MAML3: variants seen among roughly 807,000 people sequenced by gnomAD.
The protein encoded by MAML3 is mastermind like transcriptional coactivator 3.
A neutral mutation model predicts 101.9 loss-of-function variants in MAML3; 27 were observed. The ratio of observed to expected loss-of-function variants is 0.27; its 90% CI spans 0.20 to 0.37. The LOEUF (loss-of-function observed/expected upper bound fraction) is 0.37. Ranked by LOEUF, MAML3 falls within the 10% of genes least tolerant of loss-of-function variation. MAML3 has a pLI of 1.00. For synonymous variants in MAML3, 501 were observed against 555.9 expected (o/e 0.90, Z 1.39); for missense variants, 1,316 against 1,444.9 (o/e 0.91, Z 1.45).
At chr4:139,871,627 C>T (rs1732008655) in intron 2 of MAML3, among the ~76,000 whole-genome samples, 1 of 152,220 alleles carries the variant, frequency 6.6e-6, no homozygotes, top group Non-Finnish European at 1.5e-5. Flanking sequence ...CTTCTTGTAT[C>T]ACAAGCTGAA....
intron 1 of MAML3, among the ~76,000 whole-genome samples, chr4:140,035,531 C>T (rs1179738312): frequency 6.6e-6 from 1 of 152,162 alleles, no homozygotes; most frequent in African/African-American, 2.4e-5. Context: ...GGCACAGTGG[C>T]TCACGCCTGT....
intron 2 of MAML3, among the ~76,000 whole-genome samples, chr4:139,788,244 G>T (rs907480412): frequency 1.3e-5 from 2 of 152,094 alleles, no homozygotes; most frequent in Non-Finnish European, 2.9e-5. Context: ...TTCTATCCTG[G>T]CTTCTTTTCC....
Position 139,719,360 on chromosome 4 carries a change from C to T in MAML3, c.3380G>A (p.Trp1127Ter). Residue 1127 changes from tryptophan (W) to a stop codon, truncating the protein, a stop_gained, in exon 5 of 5, where the codon TGG (tryptophan) becomes TAG (stop). Coordinates refer to ENST00000509479, the MANE Select transcript of MAML3 (RefSeq NM_018717.5). LOFTEE classifies it high-confidence loss of function. ...AAACAATTCATCAAGCTCCTGCATCCACTCGTCCCCTGGCCCGCCTTTGAT... is the reference window on the plus strand; with the variant it reads ...AAACAATTCATCAAGCTCCTGCATCTACTCGTCCCCTGGCCCGCCTTTGAT... Reference protein sequence around the residue: ...SIIKGGPGDEWMQELDELFGN... With the variant: ...SIIKGGPGDE 4 of 1,607,128 alleles carry T rather than the reference C, an allele frequency of 2.5e-6. No individual in the cohort carries two copies. Among genetic ancestry groups the T allele is most frequent in the Non-Finnish European group, 3.4e-6 (4 of 1,175,572 alleles).
In MAML3 at chr4:139,756,158, G is replaced by A. The variant is rs3755998; in HGVS notation, c.2080-25491C>T. Among the ~76,000 whole-genome samples, 1,220 of 152,272 alleles carry A rather than the reference G, an allele frequency of 8.0e-3. 70 individuals are homozygous for A. In the East Asian group the frequency reaches 0.15, roughly 19 times the overall value. On this transcript the variant is annotated intron_variant, in intron 2 of 4. Transcript: ENST00000509479. ...GAACAGCAAAGCATGTAGGTTGTCC[G>A]GGGAAGAATGCTACTTTGAACCTTC... is the stretch of plus-strand genomic sequence containing the variant.
At position 139,802,071 on chromosome 4, in the gene MAML3, G is replaced by A. The variant is rs75396365; in HGVS notation, c.2080-71404C>T. Among the ~76,000 whole-genome samples the A allele has an allele frequency of 7.4e-4, 112 of 152,186 alleles. 3 individuals carry two copies. The East Asian group carries it at 0.016, about 22-fold the overall frequency. ...CTATAGGGTTTCAACCCTACGGCTC[G>A]GATCGGCAACAGACTACTTCTAAAT... On this transcript the variant is annotated intron_variant, in intron 2 of 4. Coordinates refer to ENST00000509479, the MANE Select transcript of MAML3 (RefSeq NM_018717.5).
chr4:140,034,627 A>T (rs1189466818), intron 1 of MAML3, among the ~76,000 whole-genome samples: 1 of 152,188 alleles, frequency 6.6e-6, no homozygotes, highest in African/African-American at 2.4e-5. Flanking sequence ...GAGCACTGAG[A>T]TCTGGAATCA....
intron 2 of MAML3, among the ~76,000 whole-genome samples, chr4:139,870,804 A>G (rs968767054): frequency 2.5e-4 from 38 of 152,280 alleles, no homozygotes; most frequent in African/African-American, 8.7e-4. Flanking sequence ...TTTTGTATCT[A>G]TATCTTTCAT....
intron 2 of MAML3, among the ~76,000 whole-genome samples, chr4:139,842,844 T>C (rs188359288): frequency 1.8e-3 from 224 of 126,644 alleles, no homozygotes; most frequent in Non-Finnish European, 3.0e-3. Context: ...AGTGGCGCCA[T>C]CTCGGCTCAC....
intron 1 of MAML3, among the ~76,000 whole-genome samples, chr4:139,989,828 T>TG (rs1734624069): frequency 6.9e-6 from 1 of 144,334 alleles, no homozygotes. Flanking sequence ...TGCTGACCCC[T>TG]GCACCCCACC....
chr4:139,729,655 T>C (rs1035634281), intron 3 of MAML3, among the ~76,000 whole-genome samples: 1 of 152,160 alleles, frequency 6.6e-6, no homozygotes, highest in African/African-American at 2.4e-5. Context: ...GCCTCAGGCC[T>C]TTCCCTAGGA....
At chr4:140,078,291 A>G (rs1490841218) in intron 1 of MAML3, among the ~76,000 whole-genome samples, 1 of 152,156 alleles carries the variant, frequency 6.6e-6, no homozygotes, top group African/African-American at 2.4e-5. Flanking sequence ...ATAATTTCCA[A>G]CTTTATCAAG....
chr4:139,751,927 C>T (rs148177330), intron 2 of MAML3, among the ~76,000 whole-genome samples: 42 of 152,324 alleles, frequency 2.8e-4, no homozygotes, highest in African/African-American at 7.5e-4. Flanking sequence ...AAAGCAGAGA[C>T]CTCCAAGGAG....
chr4:140,004,651 ACGCCATGAGACT>A (rs1726416397), intron 1 of MAML3, among the ~76,000 whole-genome samples: 1 of 152,122 alleles, frequency 6.6e-6, no homozygotes, highest in Admixed American at 6.5e-5. Flanking sequence ...CAGACAAAGA[ACGCCATGAGACT>A]CGCAGGGAGA....
intron 2 of MAML3, 149 bp downstream of exon 2, chr4:139,889,208 C>T (rs1481220735): frequency 2.1e-6 from 3 of 1,461,608 alleles, no homozygotes; most frequent in African/African-American, 2.8e-5. Flanking sequence ...AAAGAACACT[C>T]CAAACCTGGC....
intron 1 of MAML3, among the ~76,000 whole-genome samples, chr4:139,951,221 A>G (rs542829998): frequency 6.6e-6 from 1 of 152,310 alleles, no homozygotes; most frequent in East Asian, 1.9e-4. Context: ...TCACACCAAG[A>G]ACATCCACCA....
intron 1 of MAML3, among the ~76,000 whole-genome samples, chr4:140,151,937 G>A (rs957317680): frequency 1.3e-5 from 2 of 152,282 alleles, no homozygotes; most frequent in Middle Eastern, 3.4e-3. Context: ...TATTAAGCAG[G>A]CCCCCAAAGT....
intron 1 of MAML3, among the ~76,000 whole-genome samples, chr4:139,955,286 T>C (rs778537668): frequency 5.3e-5 from 8 of 152,054 alleles, no homozygotes; most frequent in Non-Finnish European, 7.3e-5. Context: ...TTTTAAAATA[T>C]CTTAGGAGCA....
intron 1 of MAML3, among the ~76,000 whole-genome samples, chr4:139,949,479 G>A (rs1479326913): frequency 6.6e-6 from 1 of 152,114 alleles, no homozygotes; most frequent in Non-Finnish European, 1.5e-5. Flanking sequence ...CAGAGATTAT[G>A]CCACGTACAA....
At chr4:140,075,492 T>G (rs1343114828) in intron 1 of MAML3, among the ~76,000 whole-genome samples, 1 of 152,230 alleles carries the variant, frequency 6.6e-6, no homozygotes, top group Non-Finnish European at 1.5e-5. Flanking sequence ...ATGTGCACTT[T>G]ATATATTTTA....
Sources: allele counts gnomAD v4.1 joint callset (sites outside exome capture counted in the v4.1 genomes callset), GRCh38; gene constraint gnomAD v4.1.1; transcripts MANE v1.5; gene names NCBI Gene and HGNC (gene_info 2026-07-23, HGNC 2026-07-21).